The following COPA variants were observed in gnomAD, a reference collection of about 807,000 sequenced individuals.
COPA encodes the protein coatomer subunit alpha.
A neutral mutation model predicts 158.7 loss-of-function variants in COPA; 10 were observed. That is an observed-to-expected ratio of 0.06 (90% CI 0.04 to 0.11). The LOEUF (loss-of-function observed/expected upper bound fraction) is 0.11. Ranked by LOEUF, COPA falls within the 10% of genes least tolerant of loss-of-function variation. The probability of loss-of-function intolerance (pLI) is 1.00; values close to 1 mark genes in which losing one functional copy is unlikely to be tolerated. For synonymous variants in COPA, 462 were observed against 542.8 expected (o/e 0.85, Z 2.07); for missense variants, 1,065 against 1,536.7 (o/e 0.69, Z 5.13).
chr1:160,300,986 C>T (rs1658580291), intron 17 of COPA, among the ~76,000 whole-genome samples: 1 of 152,024 alleles, frequency 6.6e-6, no homozygotes, highest in Non-Finnish European at 1.5e-5. Flanking sequence ...GGCGTAATGG[C>T]TCATGCCTAT....
At chr1:160,301,903 G>A (rs1658618250) in intron 17 of COPA, among the ~76,000 whole-genome samples, 1 of 150,982 alleles carries the variant, frequency 6.6e-6, no homozygotes, top group Non-Finnish European at 1.5e-5. Flanking sequence ...TTCCTTCATA[G>A]AAAAGGGATA....
chr1:160,332,407 C>T, intron 6 of COPA, 41 bp downstream of exon 6: 1 of 1,429,248 alleles, frequency 7.0e-7, no homozygotes, highest in Admixed American at 1.9e-5. Context: ...CAGTTTTGCA[C>T]CAGAGATGAC....
At chr1:160,318,694 A>G (rs1343555131) in intron 8 of COPA, among the ~76,000 whole-genome samples, 1 of 152,054 alleles carries the variant, frequency 6.6e-6, no homozygotes, top group Admixed American at 6.5e-5. Context: ...TTAAAGAGAT[A>G]GTCAAAAAGG....
intron 3 of COPA, among the ~76,000 whole-genome samples, chr1:160,338,749 G>A (rs1647899612): frequency 6.6e-6 from 1 of 152,118 alleles, no homozygotes; most frequent in African/African-American, 2.4e-5. Flanking sequence ...GCATCCAAGA[G>A]GCTTCTTCTC....
intron 17 of COPA, among the ~76,000 whole-genome samples, chr1:160,304,994 T>C (rs1658736508): frequency 6.6e-6 from 1 of 152,186 alleles, no homozygotes; most frequent in Non-Finnish European, 1.5e-5. Flanking sequence ...TTCATTTATA[T>C]GAAGGCAAAA....
At chr1:160,333,855 T>C (rs184493537) in intron 4 of COPA, among the ~76,000 whole-genome samples, 176 bp from the exon 5 acceptor site, 2 of 152,332 alleles carry the variant, frequency 1.3e-5, no homozygotes, top group Middle Eastern at 3.4e-3. Flanking sequence ...TCTAACAGCT[T>C]TTCTCAACTT....
rs1453252414 is a variant in COPA at position 160,311,891 on chromosome 1, A to G, written c.1053T>C (p.Asp351=). Residue 351 remains aspartate (D), a synonymous_variant, in exon 11 of 33, where the codon GAT becomes GAC. Coordinates refer to ENST00000241704, the MANE Select transcript of COPA (RefSeq NM_004371.4). ...ACCTCCGCAACTGCATCACAGCTAC[A>G]TCTTTGGAGCTGTTGAAATCCAGCT... ...LRQLDFNSSK[D]VAVMQLRSGS... 6.2e-7 allele frequency: 1 copy of G among 1,613,848 alleles called. No homozygotes were observed. The highest frequency in any genetic ancestry group is 1.7e-5 in the Admixed American group (1 of 60,024).
intron 25 of COPA, 109 bp downstream of exon 25, chr1:160,294,375 G>A: frequency 3.4e-6 from 3 of 888,386 alleles, no homozygotes; most frequent in South Asian, 1.4e-5. Context: ...TTAGGATAGT[G>A]GTAGGGGATA....
chr1:160,312,742 A>G (rs1272480216), intron 10 of COPA, among the ~76,000 whole-genome samples: 1 of 152,204 alleles, frequency 6.6e-6, no homozygotes, highest in East Asian at 1.9e-4. Flanking sequence ...TGATGGTGAC[A>G]TGCTAAGCAC....
At chr1:160,316,465 C>T (rs1009611417) in intron 8 of COPA, among the ~76,000 whole-genome samples, 1 of 151,750 alleles carries the variant, frequency 6.6e-6, no homozygotes, top group Non-Finnish European at 1.5e-5. Flanking sequence ...AATTTAAGAA[C>T]AATTGGCTGG....
rs183046299 is a variant in COPA, at chr1:160,311,169, G to A, written c.1076+699C>T. ...TAAAAGAAGAGTCTTGGTTGGGTGC[G>A]GTGGCTCACGCCTGCAATCCCAGAA... On this transcript the variant is annotated intron_variant, in intron 11 of 32. Coordinates refer to ENST00000241704, the MANE Select transcript of COPA (RefSeq NM_004371.4). Among the ~76,000 whole-genome samples, 171 of 152,090 alleles carry A rather than the reference G, an allele frequency of 1.1e-3. 1 individual carries two copies. Among genetic ancestry groups the A allele is most frequent in the African/African-American group, 3.9e-3 (161 of 41,472 alleles).
rs997140060 is a variant in COPA at position 160,294,783 on chromosome 1, G to A, written c.2551C>T (p.Leu851=). Reference sequence around the variant, plus strand: ...GCACTTTTACCTTCATCCAACTGCAGCTCTGCATCCTCTCCCCAGCCCTCT... The same window carrying A: ...GCACTTTTACCTTCATCCAACTGCAACTCTGCATCCTCTCCCCAGCCCTCT... ...GTEGWGEDAE[L]QLDEDGFVEA... The change falls in exon 24 of 33, where the codon CTG becomes TTG. Residue 851 remains leucine (L), a synonymous_variant. Coordinates refer to ENST00000241704, the MANE Select transcript of COPA (RefSeq NM_004371.4). 24 of 1,614,020 alleles carry A rather than the reference G, an allele frequency of 1.5e-5. No homozygotes were observed. Among genetic ancestry groups the A allele is most frequent in the Middle Eastern group, 1.6e-4 (1 of 6,084 alleles).
In COPA at chr1:160,294,498, G is replaced by A; in HGVS notation, c.2662C>T (p.Leu888Phe). 1.2e-6 allele frequency: 2 copies of A among 1,613,928 alleles called. No individual in the cohort carries two copies. The change falls in exon 25 of 33, where the codon CTC (leucine) becomes TTC (phenylalanine). Residue 888 changes from leucine (L) to phenylalanine (F), a missense_variant. Physicochemically the swap from Leu to Phe is conservative, Grantham distance 22 (BLOSUM62 0). This residue lies in a region of COPA where 980 missense variants were observed against 1,357.8 expected (regional missense o/e 0.72). Transcript: ENST00000241704. ...ATTCCACATACCAGCTCAGGAGGGA[G>A]CTCCAGATCTTCTTCTACATCCCAG... is the stretch of plus-strand genomic sequence containing the variant. ...GGWDVEEDLE[L>F]PPELDISPGA...
Position 160,343,208 on chromosome 1 carries a change from C to G in COPA, c.-38G>C. Reference sequence around the variant, plus strand: ...CGACTCCGATGTCTTAATCCGAGCCCCGACACACCCTGCTGCCCTTCGGAC... The same window carrying G: ...CGACTCCGATGTCTTAATCCGAGCCGCGACACACCCTGCTGCCCTTCGGAC... On this transcript the variant is annotated 5_prime_UTR_variant, in exon 1 of 33. Coordinates refer to ENST00000241704, the MANE Select transcript of COPA (RefSeq NM_004371.4). 1 of 1,613,830 alleles carries G rather than the reference C, an allele frequency of 6.2e-7. No individual in the cohort carries two copies.
At chr1:160,305,247 T>C (rs1557864410) in intron 17 of COPA, 186 bp downstream of exon 17, 2 of 549,446 alleles carry the variant, frequency 3.6e-6, no homozygotes, top group Non-Finnish European at 6.3e-6. Context: ...ATTGTCTATA[T>C]TTGTTTTAGA....
chr1:160,339,396 T>C (rs1647933612), intron 3 of COPA: 3 of 152,440 alleles, frequency 2.0e-5, no homozygotes, highest in Admixed American at 2.0e-4. Context: ...AAATGGCTCC[T>C]AGTTATCTGC....
chr1:160,343,222 T>G lies in COPA; in HGVS notation c.-52A>C. ...TAATCCGAGCCCCGACACACCCTGC[T>G]GCCCTTCGGACGCCTCCACGTCAGC... On this transcript the variant is annotated 5_prime_UTR_variant, in exon 1 of 33. Transcript: ENST00000241704. 1 of 1,612,306 alleles carries G rather than the reference T, an allele frequency of 6.2e-7. No individual in the cohort carries two copies. The highest frequency in any genetic ancestry group is 8.5e-7 in the Non-Finnish European group (1 of 1,178,302).
In COPA at chr1:160,313,990, C is replaced by T. The variant is rs1485520703; in HGVS notation, c.842G>A (p.Arg281Gln). 6.2e-7 allele frequency: 1 copy of T among 1,608,686 alleles called. No individual in the cohort carries two copies. ...KSIRVWDMSKRTGVQTFRRDH... is the reference protein window; with the variant it reads ...KSIRVWDMSKQTGVQTFRRDH... The stretch of plus-strand genomic sequence containing the variant: ...CACACAACACTGAGGACTACCTTAC[C>T]GCTTAGACATATCCCAGACTCGAAT... Residue 281 changes from arginine (R) to glutamine (Q), a missense_variant and splice_region_variant, in exon 9 of 33, where the codon CGG becomes CAG. Physicochemically the swap from Arg to Gln is conservative, Grantham distance 43. This residue lies in a region of COPA where 980 missense variants were observed against 1,357.8 expected (regional missense o/e 0.72). Transcript: ENST00000241704.
At chr1:160,306,695 A>G (rs1283320880) in intron 14 of COPA, among the ~76,000 whole-genome samples, 2 of 152,202 alleles carry the variant, frequency 1.3e-5, no homozygotes, top group Non-Finnish European at 2.9e-5. Flanking sequence ...TTCTCCTCCA[A>G]CTAAAACATC....
Sources: allele counts gnomAD v4.1 joint callset (sites outside exome capture counted in the v4.1 genomes callset), GRCh38; gene constraint gnomAD v4.1.1; regional missense constraint gnomAD v4.1.1; transcripts MANE v1.5; gene names NCBI Gene and HGNC (gene_info 2026-07-23, HGNC 2026-07-21).